NSMCE2: variants seen among roughly 807,000 people sequenced by gnomAD.
The protein encoded by NSMCE2 is NSE2 SUMO ligase component of SMC5/6 complex.
A neutral mutation model predicts 23.8 loss-of-function variants in NSMCE2; 24 were observed. The ratio of observed to expected loss-of-function variants is 1.01; its 90% CI spans 0.73 to 1.42. NSMCE2 has a LOEUF of 1.42. Ranked by LOEUF, NSMCE2 falls within the 40% of genes most tolerant of loss-of-function variation. The pLI is 0.00. For synonymous variants in NSMCE2, 92 were observed against 94.1 expected (o/e 0.98, Z 0.13); for missense variants, 284 against 296.5 (o/e 0.96, Z 0.31).
In NSMCE2 at chr8:125,333,612, T is replaced by G. The variant is rs894885637; in HGVS notation, c.419-23607T>G. 4.9e-5 allele frequency among the ~76,000 whole-genome samples: 7 copies of G among 142,656 alleles called. No homozygotes were observed. The Admixed American group carries it at 5.1e-4, about 10-fold the overall frequency. 93.6% of individuals were successfully genotyped at this position (142,656 alleles called of 152,430 possible). A position where few individuals can be genotyped will look rare whatever the true frequency, so the allele number is the denominator to read the frequency against. ...TCACTGCAAGCTCCGCCTCCCGGGT[T>G]CACGCCATTCTCCTGCCTCAGCCTC... On this transcript the variant is annotated intron_variant, in intron 5 of 7. Transcript: ENST00000287437.
intron 4 of NSMCE2, among the ~76,000 whole-genome samples, chr8:125,176,644 A>G (rs1166731150): frequency 6.6e-6 from 1 of 152,248 alleles, no homozygotes; most frequent in African/African-American, 2.4e-5. Flanking sequence ...CAACAATACT[A>G]ACAGCTACTC....
chr8:125,291,355 T>A (rs967436865), intron 5 of NSMCE2, among the ~76,000 whole-genome samples: 1 of 152,246 alleles, frequency 6.6e-6, no homozygotes, highest in Non-Finnish European at 1.5e-5. Context: ...ATATAAAATT[T>A]TAATAAATTT....
intron 5 of NSMCE2, among the ~76,000 whole-genome samples, chr8:125,326,812 C>T (rs946433201): frequency 1.3e-5 from 2 of 150,824 alleles, no homozygotes; most frequent in Admixed American, 6.6e-5. Context: ...AAAAATTAGC[C>T]GGTCGTGGTG....
At chr8:125,285,911 CTG>C (rs758846121) in intron 5 of NSMCE2, among the ~76,000 whole-genome samples, 53 of 152,106 alleles carry the variant, frequency 3.5e-4, no homozygotes, top group South Asian at 2.1e-4. Context: ...GTCTCAGTGA[CTG>C]TGCCAGGATT....
chr8:125,311,130 A>G (rs1288909772), intron 5 of NSMCE2, among the ~76,000 whole-genome samples: 1 of 152,202 alleles, frequency 6.6e-6, no homozygotes, highest in Non-Finnish European at 1.5e-5. Flanking sequence ...TGGGGACCAT[A>G]TTGAGGCATT....
Position 125,314,924 on chromosome 8 carries a change from G to A in NSMCE2, c.419-42295G>A, listed in dbSNP as rs560940498. ...CAAAGCGAGATGTTGGGTGGAATGGGAGCAACTAATTCCAGCAAGGGAGGG... is the reference window on the plus strand; with the variant it reads ...CAAAGCGAGATGTTGGGTGGAATGGAAGCAACTAATTCCAGCAAGGGAGGG... On this transcript the variant is annotated intron_variant, in intron 5 of 7. Coordinates refer to ENST00000287437, the MANE Select transcript of NSMCE2 (RefSeq NM_173685.4). Among the ~76,000 whole-genome samples the A allele has an allele frequency of 2.0e-5, 3 of 152,290 alleles. No homozygotes were observed. The East Asian group carries it at 5.8e-4, about 29-fold the overall frequency.
intron 3 of NSMCE2, among the ~76,000 whole-genome samples, chr8:125,138,341 G>A (rs978380937): frequency 1.3e-5 from 2 of 151,924 alleles, no homozygotes; most frequent in African/African-American, 4.8e-5. Context: ...CTCCCACCTC[G>A]GTCTCCTGAG....
rs527303560 is a variant in NSMCE2 at position 125,124,771 on chromosome 8, C to T, written c.157+22284C>T. ...AGGATTATAGACATGAGCCACTGCA[C>T]CCAGCCTCCTCAGGATTTTGTTGTT... On this transcript the variant is annotated intron_variant, in intron 3 of 7. Transcript: ENST00000287437. 4.6e-5 allele frequency among the ~76,000 whole-genome samples: 7 copies of T among 152,148 alleles called. No individual in the cohort carries two copies. The South Asian group carries it at 1.5e-3, about 32-fold the overall frequency.
chr8:125,291,244 A>G (rs998642959), intron 5 of NSMCE2, among the ~76,000 whole-genome samples: 2 of 152,224 alleles, frequency 1.3e-5, no homozygotes, highest in African/African-American at 4.8e-5. Context: ...GGTGGTAATC[A>G]TAAAAGATTC....
At position 125,367,060 on chromosome 8, in the gene NSMCE2, G is replaced by T; in HGVS notation, c.*175G>T. ...TTTTTCAAAGTTACACAACAGAAAT[G>T]CAATCATATTGTTTATTTTTAAGTG... On this transcript the variant is annotated 3_prime_UTR_variant, in exon 8 of 8. Transcript: ENST00000287437. The T allele has an allele frequency of 1.8e-6, 1 of 558,896 alleles. No homozygotes were observed. The allele number at this position is 558,896 out of a possible 1,614,324, so 34.6% of individuals were successfully genotyped here. A position where few individuals can be genotyped will look rare whatever the true frequency, so the allele number is the denominator to read the frequency against.
At chr8:125,142,678 C>T (rs570424623) in intron 3 of NSMCE2, among the ~76,000 whole-genome samples, 7 of 151,958 alleles carry the variant, frequency 4.6e-5, no homozygotes, top group African/African-American at 1.7e-4. Context: ...TATCTTGGCT[C>T]ACCACAACCT....
chr8:125,332,929 T>C (rs1829930049), intron 5 of NSMCE2, among the ~76,000 whole-genome samples: 1 of 152,214 alleles, frequency 6.6e-6, no homozygotes, highest in Non-Finnish European at 1.5e-5. Flanking sequence ...TCATCCAGTT[T>C]GGGACCTCAA....
chr8:125,224,478 C>A (rs961026453), intron 5 of NSMCE2, among the ~76,000 whole-genome samples: 28 of 152,268 alleles, frequency 1.8e-4, no homozygotes, highest in African/African-American at 6.0e-4. Flanking sequence ...TTCATTTTTG[C>A]ATATATTGTG....
At chr8:125,178,099 C>T (rs1822584757) in intron 4 of NSMCE2, among the ~76,000 whole-genome samples, 1 of 152,208 alleles carries the variant, frequency 6.6e-6, no homozygotes, top group East Asian at 1.9e-4. Context: ...CTGCCCTCTC[C>T]CTCCCTCTCA....
At chr8:125,315,439 T>C (rs1212383540) in intron 5 of NSMCE2, among the ~76,000 whole-genome samples, 1 of 152,222 alleles carries the variant, frequency 6.6e-6, no homozygotes. Flanking sequence ...CACTGACTTC[T>C]TGTATTAGCT....
intron 4 of NSMCE2, among the ~76,000 whole-genome samples, chr8:125,169,117 G>T (rs904798114): frequency 6.6e-6 from 1 of 152,072 alleles, no homozygotes; most frequent in Non-Finnish European, 1.5e-5. Context: ...ATTTTCCCCT[G>T]ACTTTCATGA....
At chr8:125,257,094 G>A (rs946006615) in intron 5 of NSMCE2, among the ~76,000 whole-genome samples, 2 of 151,416 alleles carry the variant, frequency 1.3e-5, no homozygotes, top group Non-Finnish European at 2.9e-5. Context: ...GGCCAGGCTG[G>A]CCAACATGGT....
At chr8:125,100,005 A>T (rs1416089036) in intron 1 of NSMCE2, among the ~76,000 whole-genome samples, 3 of 151,980 alleles carry the variant, frequency 2.0e-5, no homozygotes, top group Admixed American at 1.3e-4. Flanking sequence ...GAGGGATAGG[A>T]TCTAGTGGAT....
chr8:125,156,218 A>G, intron 4 of NSMCE2: 1 of 190,744 alleles, frequency 5.2e-6, no homozygotes, highest in Non-Finnish European at 1.1e-5. Context: ...TGTTTTTATT[A>G]TGATCCTTAG....
Sources: allele counts gnomAD v4.1 joint callset (sites outside exome capture counted in the v4.1 genomes callset), GRCh38; gene constraint gnomAD v4.1.1; transcripts MANE v1.5; gene names NCBI Gene and HGNC (gene_info 2026-07-23, HGNC 2026-07-21).